Variants in NBEA observed in about 807,000 individuals in gnomAD.
NBEA encodes neurobeachin.
A neutral mutation model predicts 343.4 loss-of-function variants in NBEA; 44 were observed. The ratio of observed to expected loss-of-function variants is 0.13; its 90% CI spans 0.10 to 0.16. The LOEUF is 0.16. Among genes scored for constraint, NBEA ranks in the 10% least tolerant of loss-of-function variants. The probability of loss-of-function intolerance (pLI) is 1.00; values close to 1 mark genes in which losing one functional copy is unlikely to be tolerated. For synonymous variants in NBEA, 1,175 were observed against 1,238.7 expected (o/e 0.95, Z 1.08); for missense variants, 2,555 against 3,631.3 (o/e 0.70, Z 7.62).
chr13:35,008,578 A>G lies in NBEA; in HGVS notation c.295-32355A>G, dbSNP rs900229358. Among the ~76,000 whole-genome samples, 9 of 152,314 alleles carry G rather than the reference A, an allele frequency of 5.9e-5. No homozygotes were observed. In the South Asian group the frequency reaches 1.9e-3, roughly 32 times the overall value. On this transcript the variant is annotated intron_variant, in intron 1 of 58. Coordinates refer to ENST00000379939, the MANE Select transcript of NBEA (RefSeq NM_001385012.1). ...GTTTGAATCCATACACAGAGACTCTATGCATACAGAGGGCATAATGCAGCT... is the reference window on the plus strand; with the variant it reads ...GTTTGAATCCATACACAGAGACTCTGTGCATACAGAGGGCATAATGCAGCT...
chr13:35,318,943 T>C (rs1043893461), intron 36 of NBEA, among the ~76,000 whole-genome samples: 1 of 152,196 alleles, frequency 6.6e-6, no homozygotes, highest in Non-Finnish European at 1.5e-5. Context: ...GGGATCAGTG[T>C]GATATCCTCT....
At chr13:35,663,913 C>T (rs2085223551) in intron 55 of NBEA, among the ~76,000 whole-genome samples, 1 of 152,142 alleles carries the variant, frequency 6.6e-6, no homozygotes, top group Admixed American at 6.6e-5. Context: ...AAAATTGGAG[C>T]TGATGGGTCT....
intron 49 of NBEA, among the ~76,000 whole-genome samples, chr13:35,644,661 AG>A (rs891882021): frequency 2.6e-5 from 4 of 152,236 alleles, no homozygotes; most frequent in African/African-American, 9.6e-5. Flanking sequence ...ACATGAAGCT[AG>A]GTATTAAGCA....
intron 45 of NBEA, among the ~76,000 whole-genome samples, chr13:35,573,629 C>A (rs1042237871): frequency 6.6e-6 from 1 of 152,048 alleles, no homozygotes; most frequent in East Asian, 1.9e-4. Context: ...TTTCTTGTTC[C>A]TTCCCACTTA....
chr13:35,575,741 T>C (rs996751537), intron 45 of NBEA, among the ~76,000 whole-genome samples: 1 of 152,162 alleles, frequency 6.6e-6, no homozygotes, highest in Non-Finnish European at 1.5e-5. Context: ...GTGCCTATAA[T>C]CAAGGTTTTC....
intron 49 of NBEA, among the ~76,000 whole-genome samples, chr13:35,643,759 G>A (rs559926061): frequency 1.3e-5 from 2 of 152,170 alleles, no homozygotes; most frequent in South Asian, 2.1e-4. Context: ...GTTAGCATTC[G>A]GGGAGGATTT....
chr13:35,646,811 T>C (rs905009477), intron 51 of NBEA, among the ~76,000 whole-genome samples: 1 of 151,966 alleles, frequency 6.6e-6, no homozygotes, highest in Non-Finnish European at 1.5e-5. Context: ...TTGAACAGAG[T>C]GGTTAAGAGT....
intron 48 of NBEA, among the ~76,000 whole-genome samples, chr13:35,621,057 T>A (rs1353098078): frequency 2.6e-5 from 4 of 152,176 alleles, no homozygotes; most frequent in African/African-American, 7.2e-5. Flanking sequence ...AGTCAACATG[T>A]TTATCCTCCG....
intron 46 of NBEA, among the ~76,000 whole-genome samples, chr13:35,588,328 A>G (rs1305815894): frequency 1.3e-5 from 2 of 152,084 alleles, no homozygotes; most frequent in African/African-American, 4.8e-5. Flanking sequence ...GGGAATTGTA[A>G]TGTCCTCACT....
At chr13:35,655,922 A>G (rs1242452913) in intron 55 of NBEA, among the ~76,000 whole-genome samples, 173 bp downstream of exon 55, 1 of 152,328 alleles carries the variant, frequency 6.6e-6, no homozygotes, top group East Asian at 1.9e-4. Flanking sequence ...TAAAATGATC[A>G]GTACTATCAC....
chr13:35,525,178 G>A (rs2077909551), intron 41 of NBEA, among the ~76,000 whole-genome samples: 1 of 152,120 alleles, frequency 6.6e-6, no homozygotes, highest in African/African-American at 2.4e-5. Context: ...TTAGTGCCTG[G>A]TATATCAAAC....
At chr13:35,192,460 T>G (rs771580080) in intron 30 of NBEA, among the ~76,000 whole-genome samples, 9 of 152,124 alleles carry the variant, frequency 5.9e-5, no homozygotes, top group Non-Finnish European at 1.0e-4. Context: ...CAAAACATAT[T>G]TATTTGAATA....
chr13:35,057,339 ACTACACC>A (rs974555209), intron 7 of NBEA, among the ~76,000 whole-genome samples: 6 of 152,062 alleles, frequency 3.9e-5, no homozygotes, highest in African/African-American at 1.2e-4. Flanking sequence ...GGCTGGGCAG[ACTACACC>A]CTATGAGCCA....
chr13:35,329,530 TACAC>T (rs1282269424), intron 36 of NBEA, among the ~76,000 whole-genome samples: 3 of 151,970 alleles, frequency 2.0e-5, no homozygotes, highest in Admixed American at 6.6e-5. Flanking sequence ...GAGCTACTGA[TACAC>T]ACAATAACAT....
rs748075725 is a variant in NBEA, at chr13:35,606,535, C to T, written c.7406C>T (p.Pro2469Leu). 4.4e-6 allele frequency: 7 copies of T among 1,606,878 alleles called. No homozygotes were observed. In the African/African-American group the frequency reaches 9.4e-5, roughly 21 times the overall value. ...GTGGTAAATGATGTTGATCTTCCCC[C>T]TTGGGCAAAAAAACCTGAAGACTTT... ...EVVVNDVDLP[P>L]WAKKPEDFVR... is the part of the protein sequence containing the mutation. Residue 2469 changes from proline to leucine, a missense_variant, in exon 48 of 59, where the codon CCT becomes CTT. Pro to Leu is a moderately conservative substitution (Grantham distance 98). Around this residue, in one of 21 missense-constraint regions of NBEA, gnomAD observed 156 missense variants for 185.8 expected, o/e 0.84. Transcript: ENST00000379939.
chr13:35,210,928 T>G, intron 32 of NBEA, 125 bp from the exon 33 acceptor site: 1 of 943,440 alleles, frequency 1.1e-6, no homozygotes, highest in Non-Finnish European at 1.6e-6. Flanking sequence ...GCCAAATGAT[T>G]AATTGTCAAA....
chr13:35,645,955 G>T, intron 50 of NBEA, 24 bp downstream of exon 50: 1 of 1,461,648 alleles, frequency 6.8e-7, no homozygotes, highest in Non-Finnish European at 9.3e-7. Context: ...ATTTAGTGTG[G>T]AAAGTGTTCT....
chr13:35,046,486 C>T (rs2152561526), intron 4 of NBEA, among the ~76,000 whole-genome samples: 1 of 152,080 alleles, frequency 6.6e-6, no homozygotes, highest in East Asian at 1.9e-4. Flanking sequence ...AGTAGTCCCG[C>T]CTTATCCATG....
intron 1 of NBEA, among the ~76,000 whole-genome samples, chr13:35,000,943 G>T (rs1366754852): frequency 6.6e-6 from 1 of 151,926 alleles, no homozygotes; most frequent in African/African-American, 2.4e-5. Flanking sequence ...TGGCAGCAAT[G>T]ATAACATAGT....
Sources: allele counts gnomAD v4.1 joint callset (sites outside exome capture counted in the v4.1 genomes callset), GRCh38; gene constraint gnomAD v4.1.1; regional missense constraint gnomAD v4.1.1; transcripts MANE v1.5; gene names NCBI Gene and HGNC (gene_info 2026-07-23, HGNC 2026-07-21).